ASCC3: variants seen among roughly 807,000 people sequenced by gnomAD.
ASCC3 encodes activating signal cointegrator 1 complex subunit 3.
Under a neutral mutation model 256.3 loss-of-function variants are expected in ASCC3, and 158 were observed. That is an observed-to-expected ratio of 0.62 (90% CI 0.54 to 0.70). The LOEUF (loss-of-function observed/expected upper bound fraction) is 0.70, where lower values mean the gene tolerates loss of function less well. Among genes scored for constraint, ASCC3 ranks in the 30% least tolerant of loss-of-function variants. The pLI is 0.00. For missense variants in ASCC3, 2,259 were observed against 2,626.0 expected, an observed-to-expected ratio of 0.86 and a Z score of 3.05; for synonymous variants, 948 against 883.4, an observed-to-expected ratio of 1.07 and a Z score of -1.30.
At chr6:100,566,407 C>T (rs1358734485) in intron 36 of ASCC3, among the ~76,000 whole-genome samples, 1 of 152,124 alleles carries the variant, frequency 6.6e-6, no homozygotes. Context: ...AATAAGTCCA[C>T]CATACTATGG....
At chr6:100,715,142 A>AGT (rs574634072) in intron 13 of ASCC3, 139 of 184,442 alleles carry the variant, frequency 7.5e-4, no homozygotes, top group African/African-American at 3.2e-3. Flanking sequence ...TCTAAACACC[A>AGT]TCAAACAATA....
At chr6:100,651,501 A>T in intron 19 of ASCC3, 59 bp downstream of exon 19, 1 of 989,682 alleles carries the variant, frequency 1.0e-6, no homozygotes, top group Non-Finnish European at 1.5e-6. Flanking sequence ...AGAACCTTTT[A>T]TAAATGAATG....
intron 30 of ASCC3, among the ~76,000 whole-genome samples, chr6:100,619,498 C>A (rs1357400273): frequency 6.6e-6 from 1 of 152,052 alleles, no homozygotes; most frequent in African/African-American, 2.4e-5. Context: ...TATATATTAA[C>A]CATATATAAA....
chr6:100,675,694 A>G (rs1776972682), intron 14 of ASCC3, among the ~76,000 whole-genome samples: 1 of 152,234 alleles, frequency 6.6e-6, no homozygotes, highest in Non-Finnish European at 1.5e-5. Flanking sequence ...CTACAGACAC[A>G]AGGCTTATTA....
chr6:100,683,963 A>G (rs1436596514), intron 13 of ASCC3, among the ~76,000 whole-genome samples: 1 of 152,168 alleles, frequency 6.6e-6, no homozygotes, highest in Non-Finnish European at 1.5e-5. Context: ...TACTTGGGAA[A>G]AAAAAGTATG....
chr6:100,628,308 C>T (rs1353453075), intron 27 of ASCC3, among the ~76,000 whole-genome samples: 1 of 152,066 alleles, frequency 6.6e-6, no homozygotes, highest in East Asian at 1.9e-4. Flanking sequence ...TTCAGTTGGA[C>T]AGGAGAAATA....
At chr6:100,608,299 C>T (rs1488998683) in intron 30 of ASCC3, among the ~76,000 whole-genome samples, 6 of 80,060 alleles carry the variant, frequency 7.5e-5, no homozygotes, top group East Asian at 3.5e-4. Flanking sequence ...TTATATATAC[C>T]TTATATATGT....
At chr6:100,682,585 A>G (rs239191) in intron 13 of ASCC3, among the ~76,000 whole-genome samples, 3,985 of 152,236 alleles carry the variant, frequency 0.026, 182 homozygotes, top group African/African-American at 0.091. Flanking sequence ...GCATTCATCC[A>G]TCCCAAGATA....
At chr6:100,766,951 T>A (rs1346410311) in intron 9 of ASCC3, among the ~76,000 whole-genome samples, 194 bp downstream of exon 9, 1 of 152,226 alleles carries the variant, frequency 6.6e-6, no homozygotes, top group Non-Finnish European at 1.5e-5. Flanking sequence ...TTTCATAGCT[T>A]CTTACATGGT....
At chr6:100,729,595 C>G (rs963080327) in intron 10 of ASCC3, among the ~76,000 whole-genome samples, 8 of 151,988 alleles carry the variant, frequency 5.3e-5, no homozygotes, top group African/African-American at 1.7e-4. Flanking sequence ...ATAAAAGTAG[C>G]CTGTTGTATG....
intron 25 of ASCC3, among the ~76,000 whole-genome samples, chr6:100,638,391 G>C (rs1322124416): frequency 6.6e-6 from 1 of 152,102 alleles, no homozygotes; most frequent in Non-Finnish European, 1.5e-5. Flanking sequence ...TGTATGACTT[G>C]CTTTATTGTG....
chr6:100,509,388 A>G lies in ASCC3; in HGVS notation c.6607T>C (p.Ter2203GlnextTer12). Reference sequence around the variant, plus strand: ...TCAAATGGATTGTTCAGGTCAAGTTACTTTAATGCCAGGTCAGTCAGGGAA... The same window carrying G: ...TCAAATGGATTGTTCAGGTCAAGTTGCTTTAATGCCAGGTCAGTCAGGGAA... Reference protein sequence around the residue: ...SDSLTDLALK* With the variant: ...SDSLTDLALKQ Residue 2203 changes from the stop codon to glutamine (Q), a stop_lost, in exon 42 of 42, where the codon TAA (stop) becomes CAA (glutamine). Transcript: ENST00000369162. 6.2e-7 allele frequency: 1 copy of G among 1,614,156 alleles called. No homozygotes were observed. Among genetic ancestry groups the G allele is most frequent in the Non-Finnish European group, 8.5e-7 (1 of 1,180,000 alleles).
Position 100,509,119 on chromosome 6 carries a change from CAAATTA to C in ASCC3, c.*261_*266del. 2.3e-6 allele frequency: 1 copy of C among 441,718 alleles called. No homozygotes were observed. Among genetic ancestry groups the C allele is most frequent in the South Asian group, 2.2e-5 (1 of 45,520 alleles). 27.4% of individuals were successfully genotyped at this position (441,718 alleles called of 1,614,324 possible). Reference sequence around the variant, plus strand: ...TCCTAAATATCATCCCAAATATACACAAATTAAAAGATTATTCTAAATGCTTTTTCA... The same window carrying C: ...TCCTAAATATCATCCCAAATATACACAAAGATTATTCTAAATGCTTTTTCA... On this transcript the variant is annotated 3_prime_UTR_variant, in exon 42 of 42. Transcript: ENST00000369162.
chr6:100,584,434 T>G (rs1771522452), intron 36 of ASCC3, among the ~76,000 whole-genome samples: 1 of 151,908 alleles, frequency 6.6e-6, no homozygotes. Flanking sequence ...GTTTTCCATT[T>G]GCTTGGTAGA....
At chr6:100,573,329 GTAA>G (rs747342528) in intron 36 of ASCC3, among the ~76,000 whole-genome samples, 2 of 152,098 alleles carry the variant, frequency 1.3e-5, no homozygotes, top group African/African-American at 2.4e-5. Flanking sequence ...GGAAACAGTT[GTAA>G]TCACCATTAT....
chr6:100,715,542 T>C lies in ASCC3; in HGVS notation c.2080-9A>G. ...TTATTCAACTGCTGCATCTTGAAGA[T>C]TTTAAAACATAAAAAAAATCATGTG... is the stretch of plus-strand genomic sequence containing the variant. On this transcript the variant is annotated splice_polypyrimidine_tract_variant and intron_variant, in intron 12 of 41. Coordinates refer to ENST00000369162, the MANE Select transcript of ASCC3 (RefSeq NM_006828.4). 6.2e-7 allele frequency: 1 copy of C among 1,605,040 alleles called. No homozygotes were observed. Among genetic ancestry groups the C allele is most frequent in the Admixed American group, 1.7e-5 (1 of 59,730 alleles).
chr6:100,819,095 C>T (rs1468833053), intron 4 of ASCC3, among the ~76,000 whole-genome samples: 1 of 151,172 alleles, frequency 6.6e-6, no homozygotes, highest in Non-Finnish European at 1.5e-5. Flanking sequence ...TGTTCTCACT[C>T]ACAGGTGGGA....
intron 14 of ASCC3, among the ~76,000 whole-genome samples, chr6:100,666,836 A>G (rs1441700761): frequency 6.6e-6 from 1 of 152,138 alleles, no homozygotes; most frequent in African/African-American, 2.4e-5. Context: ...TTTATGAAAC[A>G]TGATAGTCAC....
chr6:100,530,798 T>A lies in ASCC3; in HGVS notation c.5775+9365A>T, dbSNP rs185123079. 357 of 1,090,798 alleles carry A rather than the reference T, an allele frequency of 3.3e-4. No individual in the cohort carries two copies. The African/African-American group carries it at 4.6e-3, about 14-fold the overall frequency. 67.6% of individuals were successfully genotyped at this position (1,090,798 alleles called of 1,614,324 possible). On this transcript the variant is annotated intron_variant, in intron 37 of 41. Coordinates refer to ENST00000369162, the MANE Select transcript of ASCC3 (RefSeq NM_006828.4). ...AGAATCCAAGACAAAAAGGATTAGA[T>A]CTAGAAATGGCCATTGCCTACTGGA...
Sources: allele counts gnomAD v4.1 joint callset (sites outside exome capture counted in the v4.1 genomes callset), GRCh38; gene constraint gnomAD v4.1.1; transcripts MANE v1.5; gene names NCBI Gene and HGNC (gene_info 2026-07-23, HGNC 2026-07-21).